The following OTUD3 variants were observed in gnomAD, a reference collection of about 807,000 sequenced individuals.
OTUD3 encodes the protein OTU domain-containing protein 3.
A neutral mutation model predicts 46.2 loss-of-function variants in OTUD3; 24 were observed. The observed-to-expected ratio is 0.52, with a 90% CI of 0.38 to 0.73. The LOEUF (loss-of-function observed/expected upper bound fraction) is 0.73. Ranked by LOEUF, OTUD3 falls within the 30% of genes least tolerant of loss-of-function variation. The probability of loss-of-function intolerance (pLI) is 0.00; values close to 1 mark genes in which losing one functional copy is unlikely to be tolerated. For missense variants in OTUD3, 455 were observed against 523.3 expected, an observed-to-expected ratio of 0.87 and a Z score of 1.27; for synonymous variants, 189 against 195.4, an observed-to-expected ratio of 0.97 and a Z score of 0.27.
intron 1 of OTUD3, among the ~76,000 whole-genome samples, chr1:19,887,304 A>T (rs1047480200): frequency 6.6e-6 from 1 of 152,090 alleles, no homozygotes; most frequent in African/African-American, 2.4e-5. Flanking sequence ...GGCTGGTTTC[A>T]AACTGCTGAC....
At chr1:19,907,531 C>T (rs1486508457) in intron 7 of OTUD3, 39 bp from the exon 8 acceptor site, 2 of 1,602,548 alleles carry the variant, frequency 1.2e-6, no homozygotes, top group African/African-American at 2.7e-5. Flanking sequence ...GCTTGAGTCC[C>T]CCGTGCTTCC....
At chr1:19,887,958 T>C (rs2045391647) in intron 1 of OTUD3, among the ~76,000 whole-genome samples, 2 of 152,254 alleles carry the variant, frequency 1.3e-5, no homozygotes, top group Admixed American at 6.5e-5. Flanking sequence ...TAGTAAATTA[T>C]TGCGCACTCA....
intron 1 of OTUD3, among the ~76,000 whole-genome samples, chr1:19,884,281 GTTAC>G (rs1423793429): frequency 6.6e-6 from 1 of 152,140 alleles, no homozygotes; most frequent in Non-Finnish European, 1.5e-5. Flanking sequence ...TCAATAGAAG[GTTAC>G]TTATGAGGAG....
At chr1:19,900,679 C>T (rs2045574415) in intron 4 of OTUD3, among the ~76,000 whole-genome samples, 2 of 151,972 alleles carry the variant, frequency 1.3e-5, no homozygotes, top group African/African-American at 4.8e-5. Flanking sequence ...TACTAAATTC[C>T]CATATGTATT....
chr1:19,891,242 G>A lies in OTUD3; in HGVS notation c.370+709G>A, dbSNP rs577138924. Among the ~76,000 whole-genome samples, 5 of 152,228 alleles carry A rather than the reference G, an allele frequency of 3.3e-5. No individual in the cohort carries two copies. The East Asian group carries it at 9.6e-4, about 29-fold the overall frequency. ...GATTTTAATTGGTTCCTATTTAATA[G>A]GCATAGATCTTATAGAAAATGCATA... On this transcript the variant is annotated intron_variant, in intron 2 of 7. Coordinates refer to ENST00000375120, the MANE Select transcript of OTUD3 (RefSeq NM_015207.2).
At position 19,882,597 on chromosome 1, in the gene OTUD3, G is replaced by C; in HGVS notation, c.84G>C (p.Ala28=). Residue 28 remains alanine (A), a synonymous_variant, in exon 1 of 8, where the codon GCG becomes GCC. Coordinates refer to ENST00000375120, the MANE Select transcript of OTUD3 (RefSeq NM_015207.2). ...CCGAGCGCAAGCGGGACGAGCGGGCGGCGCGCCGGGCCCTGGCCAAGGAGC... is the reference window on the plus strand; with the variant it reads ...CCGAGCGCAAGCGGGACGAGCGGGCCGCGCGCCGGGCCCTGGCCAAGGAGC... ...AEAERKRDER[A]ARRALAKERR... The C allele has an allele frequency of 7.0e-7, 1 of 1,424,294 alleles. No individual in the cohort carries two copies. Among genetic ancestry groups the C allele is most frequent in the African/African-American group, 1.5e-5 (1 of 67,124 alleles). 88.2% of individuals were successfully genotyped at this position (1,424,294 alleles called of 1,614,324 possible). A position where few individuals can be genotyped will look rare whatever the true frequency, so the allele number is the denominator to read the frequency against.
chr1:19,886,725 T>A (rs1403359877), intron 1 of OTUD3, among the ~76,000 whole-genome samples: 1 of 152,220 alleles, frequency 6.6e-6, no homozygotes, highest in Non-Finnish European at 1.5e-5. Context: ...CATAACCACC[T>A]GGACTGCTAG....
In OTUD3 at chr1:19,904,374, A is replaced by G. The variant is rs1477198086; in HGVS notation, c.714A>G (p.Lys238=). ...ATGAAGTAGAGGATGCTGTCCAGAAAGTTTGTAATGCAACTGGATGTTCAG... is the reference window on the plus strand; with the variant it reads ...ATGAAGTAGAGGATGCTGTCCAGAAGGTTTGTAATGCAACTGGATGTTCAG... ...LRDEVEDAVQ[K]VCNATGCSDF... The change falls in exon 5 of 8, where the codon AAA becomes AAG. Residue 238 remains lysine (K), a synonymous_variant. Transcript: ENST00000375120. 2 of 1,612,562 alleles carry G rather than the reference A, an allele frequency of 1.2e-6. No individual in the cohort carries two copies. Among genetic ancestry groups the G allele is most frequent in the African/African-American group, 2.7e-5 (2 of 74,878 alleles).
chr1:19,904,743 G>A (rs1488025223), intron 5 of OTUD3, 148 bp from the exon 6 acceptor site: 3 of 591,180 alleles, frequency 5.1e-6, no homozygotes, highest in South Asian at 2.2e-5. Context: ...ATTGGAAATC[G>A]ACATTTTTCT....
Position 19,910,423 on chromosome 1 carries a change from T to C in OTUD3, c.*2677T>C, listed in dbSNP as rs1319254224. 1 of 152,294 alleles carries C rather than the reference T, an allele frequency of 6.6e-6. No individual in the cohort carries two copies. The highest frequency in any genetic ancestry group is 1.5e-5 in the Non-Finnish European group (1 of 68,038). 9.4% of individuals were successfully genotyped at this position (152,294 alleles called of 1,614,324 possible). A position where few individuals can be genotyped will look rare whatever the true frequency, so the allele number is the denominator to read the frequency against. ...TTTTTAGAGGTCAAAATAAATACCA[T>C]TTTAGTGGCAACAGCTTTGAACTAG... On this transcript the variant is annotated 3_prime_UTR_variant, in exon 8 of 8. Coordinates refer to ENST00000375120, the MANE Select transcript of OTUD3 (RefSeq NM_015207.2).
intron 3 of OTUD3, among the ~76,000 whole-genome samples, chr1:19,895,002 A>G (rs1220302248): frequency 2.0e-5 from 3 of 152,238 alleles, no homozygotes; most frequent in Non-Finnish European, 2.9e-5. Flanking sequence ...TTATTCAATC[A>G]CCCAGAGAGA....
At chr1:19,883,689 C>A (rs538211020) in intron 1 of OTUD3, among the ~76,000 whole-genome samples, 120 of 152,128 alleles carry the variant, frequency 7.9e-4, no homozygotes, top group African/African-American at 2.1e-3. Flanking sequence ...CTGTGTTGCC[C>A]AGGCTGGTCT....
intron 4 of OTUD3, 66 bp from the exon 5 acceptor site, chr1:19,904,201 T>C (rs542593084): frequency 1.5e-6 from 2 of 1,299,688 alleles, no homozygotes; most frequent in African/African-American, 3.0e-5. Context: ...GAGTGTCTTG[T>C]GTTAAAGATT....
intron 6 of OTUD3, 40 bp downstream of exon 6, chr1:19,905,027 T>G: frequency 9.4e-7 from 1 of 1,065,252 alleles, no homozygotes; most frequent in South Asian, 1.4e-5. Context: ...TCAAAATGGT[T>G]GTGTTGGTAA....
At chr1:19,907,449 G>A (rs746222745) in intron 7 of OTUD3, 121 bp from the exon 8 acceptor site, 26 of 813,666 alleles carry the variant, frequency 3.2e-5, no homozygotes, top group Non-Finnish European at 5.1e-5. Flanking sequence ...TGGCGTCTTA[G>A]ATTGGTTTTC....
rs1471358456 is a variant in OTUD3, at chr1:19,904,249, A to G, written c.607-18A>G. The stretch of plus-strand genomic sequence containing the variant: ...TGATTCTCAACATAGTTCCCTGATT[A>G]TTACTTGTTTCCTTTAGTTTCAGAT... On this transcript the variant is annotated intron_variant, in intron 4 of 7. Coordinates refer to ENST00000375120, the MANE Select transcript of OTUD3 (RefSeq NM_015207.2). 6.3e-7 allele frequency: 1 copy of G among 1,575,904 alleles called. No homozygotes were observed. Among genetic ancestry groups the G allele is most frequent in the Non-Finnish European group, 8.6e-7 (1 of 1,161,026 alleles).
chr1:19,885,270 C>T (rs1476224922), intron 1 of OTUD3, among the ~76,000 whole-genome samples: 1 of 152,168 alleles, frequency 6.6e-6, no homozygotes, highest in Non-Finnish European at 1.5e-5. Flanking sequence ...GATCGTATTT[C>T]CTCTTGTGTG....
At position 19,906,611 on chromosome 1, in the gene OTUD3, G is replaced by T; in HGVS notation, c.1015G>T (p.Ala339Ser). 6.2e-7 allele frequency: 1 copy of T among 1,607,970 alleles called. No individual in the cohort carries two copies. The highest frequency in any genetic ancestry group is 1.7e-5 in the Admixed American group (1 of 59,156). The change falls in exon 7 of 8, where the codon GCA becomes TCA. Residue 339 changes from alanine (A) to serine (S), a missense_variant. Coordinates refer to ENST00000375120, the MANE Select transcript of OTUD3 (RefSeq NM_015207.2). Reference sequence around the variant, plus strand: ...AAACAAAGCAAATAAAAACCAGCTCGCAAAGGTATGTAAGATGGGGTTGAA... The same window carrying T: ...AAACAAAGCAAATAAAAACCAGCTCTCAAAGGTATGTAAGATGGGGTTGAA... ...EENKANKNQL[A>S]KVTNKQRREQ...
intron 1 of OTUD3, among the ~76,000 whole-genome samples, chr1:19,889,377 T>G (rs1301372675): frequency 6.6e-6 from 1 of 152,210 alleles, no homozygotes; most frequent in African/African-American, 2.4e-5. Context: ...TTTTCTGAGT[T>G]GAAAAACAAA....
Sources: allele counts gnomAD v4.1 joint callset (sites outside exome capture counted in the v4.1 genomes callset), GRCh38; gene constraint gnomAD v4.1.1; transcripts MANE v1.5; gene names NCBI Gene and HGNC (gene_info 2026-07-23, HGNC 2026-07-21).